COBL: variants seen among roughly 807,000 people sequenced by gnomAD.
COBL encodes cordon-bleu WH2 repeat protein.
A neutral mutation model predicts 98.8 loss-of-function variants in COBL; 51 were observed. That is an observed-to-expected ratio of 0.52 (90% CI 0.41 to 0.65). The LOEUF is 0.65. Ranked by LOEUF, COBL falls within the 30% of genes least tolerant of loss-of-function variation. The pLI is 0.00. For missense variants in COBL, 1,617 were observed against 1,617.5 expected (o/e 1.00, Z 0.01); for synonymous variants, 634 against 651.7 (o/e 0.97, Z 0.41).
chr7:51,312,552 C>T (rs1803158824), intron 1 of COBL, among the ~76,000 whole-genome samples: 1 of 152,008 alleles, frequency 6.6e-6, no homozygotes, highest in Admixed American at 6.6e-5. Flanking sequence ...GGCCTAGAAA[C>T]CTAAACTACT....
intron 1 of COBL, among the ~76,000 whole-genome samples, chr7:51,312,335 C>A (rs62448332): frequency 6.6e-6 from 1 of 151,514 alleles, no homozygotes; most frequent in Non-Finnish European, 1.5e-5. Flanking sequence ...TGTCCCCCCA[C>A]CAAAAAAATA....
rs772931591 is a variant in COBL at position 51,029,071 on chromosome 7, G to A, written c.2025C>T (p.Asp675=). The change falls in exon 10 of 13, where the codon GAC becomes GAT. Residue 675 remains aspartate, a synonymous_variant. Coordinates refer to ENST00000265136, the MANE Select transcript of COBL (RefSeq NM_015198.5). ...RVNSQPVNEK[D]SNDKNAALAP... is the part of the protein sequence containing the mutation. ...CCAAGGCAGCGTTTTTATCGTTGCT[G>A]TCCTTTTCATTCACCGGTTGGGAAT... 2 of 1,614,168 alleles carry A rather than the reference G, an allele frequency of 1.2e-6. No homozygotes were observed. Among genetic ancestry groups the A allele is most frequent in the East Asian group, 4.5e-5 (2 of 44,874 alleles).
chr7:51,243,746 C>T lies in COBL; in HGVS notation c.42-23802G>A, dbSNP rs181372601. On this transcript the variant is annotated intron_variant, in intron 1 of 12. Transcript: ENST00000265136. ...GACTAGTGATTGTCGGAGTTGGGGA[C>T]GGCAGGAGGAGGTGGCTGTGCCTGA... 3.4e-4 allele frequency among the ~76,000 whole-genome samples: 52 copies of T among 152,128 alleles called. 2 individuals are homozygous for T. The highest frequency in any genetic ancestry group is 6.8e-3 in the Middle Eastern group (2 of 292).
intron 2 of COBL, among the ~76,000 whole-genome samples, chr7:51,194,586 A>G (rs992944503): frequency 6.6e-6 from 1 of 152,212 alleles, no homozygotes. Context: ...TCAACAGTGT[A>G]TAAGTGTTCC....
intron 6 of COBL, among the ~76,000 whole-genome samples, chr7:51,111,541 C>T (rs1298775626): frequency 1.3e-5 from 2 of 152,160 alleles, no homozygotes; most frequent in East Asian, 1.9e-4. Context: ...TGATTCTCCC[C>T]GCCGGCCCCA....
chr7:51,241,576 A>C (rs755088242), intron 1 of COBL, among the ~76,000 whole-genome samples: 1 of 152,218 alleles, frequency 6.6e-6, no homozygotes, highest in Admixed American at 6.5e-5. Context: ...AAGTTAATCT[A>C]TATTTTTTAA....
At chr7:51,111,704 T>G (rs1018272372) in intron 6 of COBL, among the ~76,000 whole-genome samples, 4 of 152,138 alleles carry the variant, frequency 2.6e-5, no homozygotes, top group Non-Finnish European at 5.9e-5. Context: ...CTTGACTTCA[T>G]GGTAACATCT....
chr7:51,281,804 T>C (rs568911048), intron 1 of COBL, among the ~76,000 whole-genome samples: 4 of 152,124 alleles, frequency 2.6e-5, no homozygotes, highest in Non-Finnish European at 5.9e-5. Context: ...TCAGATAGAA[T>C]AGAAATAGTA....
chr7:51,026,689 A>C lies in COBL; in HGVS notation c.3385-24T>G, dbSNP rs769326689. ...GTCTAGAATATTAACAGTGTCACAC[A>C]TTTCACTGAGAACATGGAGAAATGT... On this transcript the variant is annotated intron_variant, in intron 10 of 12. Coordinates refer to ENST00000265136, the MANE Select transcript of COBL (RefSeq NM_015198.5). 1.9e-6 allele frequency: 3 copies of C among 1,605,526 alleles called. No homozygotes were observed. In the South Asian group the frequency reaches 3.3e-5, roughly 18 times the overall value.
chr7:51,045,773 T>C (rs1789629921), intron 7 of COBL, among the ~76,000 whole-genome samples: 2 of 152,112 alleles, frequency 1.3e-5, no homozygotes, highest in Non-Finnish European at 2.9e-5. Flanking sequence ...TGTCGGGTGA[T>C]ACATATATAT....
At position 51,020,659 on chromosome 7, in the gene COBL, G is replaced by A. The variant is rs1394103306; in HGVS notation, c.3769-3091C>T. 2.0e-5 allele frequency among the ~76,000 whole-genome samples: 3 copies of A among 152,142 alleles called. No individual in the cohort carries two copies. In the East Asian group the frequency reaches 5.8e-4, roughly 29 times the overall value. ...CTGAGTGGAAGCAAGCACTGAGTGT[G>A]GGGTGGGGGCAGATCTGAACACTGC... On this transcript the variant is annotated intron_variant, in intron 12 of 12. Coordinates refer to ENST00000265136, the MANE Select transcript of COBL (RefSeq NM_015198.5).
intron 6 of COBL, among the ~76,000 whole-genome samples, chr7:51,130,762 A>G (rs2129000747): frequency 6.6e-6 from 1 of 152,320 alleles, no homozygotes; most frequent in South Asian, 2.1e-4. Flanking sequence ...TGTCTTTGGG[A>G]GTCTGGTCAG....
At chr7:51,125,950 C>T (rs557228699) in intron 6 of COBL, among the ~76,000 whole-genome samples, 2 of 152,156 alleles carry the variant, frequency 1.3e-5, no homozygotes, top group South Asian at 2.1e-4. Context: ...ATTTCTATAT[C>T]GTTTAAGTAA....
chr7:51,036,794 T>C (rs1430007296), intron 8 of COBL, among the ~76,000 whole-genome samples: 1 of 152,192 alleles, frequency 6.6e-6, no homozygotes, highest in Non-Finnish European at 1.5e-5. Flanking sequence ...GATTTCAGTT[T>C]GGCCTTACTG....
intron 1 of COBL, among the ~76,000 whole-genome samples, chr7:51,300,028 T>C (rs927783864): frequency 9.2e-5 from 14 of 152,236 alleles, no homozygotes; most frequent in Non-Finnish European, 1.6e-4. Flanking sequence ...AAACAGGCCA[T>C]GCATCTCTGA....
chr7:51,159,138 G>T (rs1001524621), intron 5 of COBL, among the ~76,000 whole-genome samples: 1 of 152,140 alleles, frequency 6.6e-6, no homozygotes. Flanking sequence ...CCGGCCGCGC[G>T]CACCTGGCGG....
At chr7:51,169,157 C>T (rs1409748955) in intron 5 of COBL, among the ~76,000 whole-genome samples, 1 of 152,136 alleles carries the variant, frequency 6.6e-6, no homozygotes, top group Admixed American at 6.5e-5. Context: ...GTATCCACAA[C>T]CCCTTATTTT....
intron 7 of COBL, among the ~76,000 whole-genome samples, chr7:51,080,324 A>G (rs1793517319): frequency 6.6e-6 from 1 of 152,224 alleles, no homozygotes; most frequent in East Asian, 1.9e-4. Flanking sequence ...CTGGTTTTCA[A>G]AAAAGTGTAT....
intron 1 of COBL, among the ~76,000 whole-genome samples, chr7:51,279,898 G>C (rs1010062207): frequency 6.6e-6 from 1 of 152,058 alleles, no homozygotes; most frequent in Admixed American, 6.6e-5. Flanking sequence ...CTTTCACTTG[G>C]TAACATGTAT....
Sources: gnomAD v4.1 joint callset for allele counts (sites outside exome capture counted in the v4.1 genomes callset) on GRCh38, gnomAD v4.1.1 for gene constraint, MANE v1.5 for transcripts, NCBI Gene and HGNC (gene_info 2026-07-23, HGNC 2026-07-21) for gene names.